CNNM2: variants seen among roughly 807,000 people sequenced by gnomAD.
The protein encoded by CNNM2 is metal transporter CNNM2.
In CNNM2, 12 loss-of-function variants were observed where a neutral mutation model predicts 66.9. That is an observed-to-expected ratio of 0.18 (90% confidence interval 0.11 to 0.29). CNNM2 has a LOEUF of 0.29. CNNM2 is among the 10% of genes least tolerant of loss of function. CNNM2 has a pLI of 1.00. For missense variants in CNNM2, 705 were observed against 1,167.7 expected, an observed-to-expected ratio of 0.60 and a Z score of 5.77; for synonymous variants, 557 against 501.8, an observed-to-expected ratio of 1.11 and a Z score of -1.47.
chr10:102,947,132 C>T (rs1196573318), intron 1 of CNNM2, among the ~76,000 whole-genome samples: 1 of 152,078 alleles, frequency 6.6e-6, no homozygotes, highest in East Asian at 1.9e-4. Flanking sequence ...ATAAATTCTC[C>T]AGTCATATGT....
intron 1 of CNNM2, among the ~76,000 whole-genome samples, chr10:103,009,259 G>A (rs1180354587): frequency 6.6e-6 from 1 of 151,844 alleles, no homozygotes; most frequent in Non-Finnish European, 1.5e-5. Context: ...TGGGCAACAA[G>A]ATTGAAACTC....
At chr10:103,053,533 C>T (rs1294959333) in intron 2 of CNNM2, among the ~76,000 whole-genome samples, 1 of 152,108 alleles carries the variant, frequency 6.6e-6, no homozygotes, top group Non-Finnish European at 1.5e-5. Context: ...GAAAAGAAAC[C>T]AAAAGAAGAA....
At chr10:102,990,971 T>C (rs2063888032) in intron 1 of CNNM2, among the ~76,000 whole-genome samples, 1 of 152,126 alleles carries the variant, frequency 6.6e-6, no homozygotes, top group Non-Finnish European at 1.5e-5. Context: ...ATTCTTACAT[T>C]TTCCATTGTG....
At chr10:103,009,269 C>G (rs1348836355) in intron 1 of CNNM2, among the ~76,000 whole-genome samples, 2 of 151,680 alleles carry the variant, frequency 1.3e-5, no homozygotes, top group Non-Finnish European at 2.9e-5. Flanking sequence ...GATTGAAACT[C>G]CGTCTCAAAA....
chr10:102,919,071 G>A lies in CNNM2; in HGVS notation c.591G>A (p.Thr197=), dbSNP rs574442996. Residue 197 remains threonine, a synonymous_variant, in exon 1 of 8, where the codon ACG becomes ACA. Transcript: ENST00000369878. The part of the protein sequence containing the change: ...KSYYLCTSLS[T]PALGAGGSGS... ...ATTACCTGTGCACGTCGCTCTCCAC[G>A]CCCGCCCTGGGCGCCGGCGGCTCGG... 11 of 1,612,102 alleles carry A rather than the reference G, an allele frequency of 6.8e-6. No individual in the cohort carries two copies. Among genetic ancestry groups the A allele is most frequent in the Middle Eastern group, 1.7e-4 (1 of 6,060 alleles).
chr10:103,003,356 C>A (rs1276043928), intron 1 of CNNM2, among the ~76,000 whole-genome samples: 1 of 152,002 alleles, frequency 6.6e-6, no homozygotes, highest in Non-Finnish European at 1.5e-5. Context: ...TCAGGTAATC[C>A]GCCTGCCTCA....
chr10:103,053,298 T>G (rs2065245566), intron 2 of CNNM2, among the ~76,000 whole-genome samples: 1 of 152,118 alleles, frequency 6.6e-6, no homozygotes, highest in African/African-American at 2.4e-5. Flanking sequence ...GAGGATTGCT[T>G]GAGCCCAGGA....
At chr10:102,940,003 A>AACAAAAAAAAC (rs1554889978) in intron 1 of CNNM2, among the ~76,000 whole-genome samples, 1 of 150,658 alleles carries the variant, frequency 6.6e-6, no homozygotes, top group African/African-American at 2.4e-5. Flanking sequence ...ACAACAACAA[A>AACAAAAAAAAC]AAAAAAACCG....
At chr10:103,012,768 G>A (rs924264968) in intron 1 of CNNM2, among the ~76,000 whole-genome samples, 2 of 149,322 alleles carry the variant, frequency 1.3e-5, no homozygotes, top group Non-Finnish European at 3.0e-5. Context: ...ACAACAGTCT[G>A]TACCACACTG....
At chr10:103,009,956 A>G (rs1470529895) in intron 1 of CNNM2, among the ~76,000 whole-genome samples, 3 of 150,688 alleles carry the variant, frequency 2.0e-5, no homozygotes, top group Non-Finnish European at 3.0e-5. Flanking sequence ...TTTTTTTCAC[A>G]ATTAGAGACA....
chr10:102,931,603 C>T (rs1009042567), intron 1 of CNNM2, among the ~76,000 whole-genome samples: 10 of 152,024 alleles, frequency 6.6e-5, no homozygotes, highest in South Asian at 4.1e-4. Context: ...GTGATCCATC[C>T]GCCTTGGCCT....
At chr10:103,069,822 G>A (rs4551682) in intron 5 of CNNM2, among the ~76,000 whole-genome samples, 1 of 152,222 alleles carries the variant, frequency 6.6e-6, no homozygotes, top group South Asian at 2.1e-4. Context: ...AACACCAAAT[G>A]ATGTGCGGTT....
chr10:103,065,974 A>T (rs1050833667), intron 4 of CNNM2, among the ~76,000 whole-genome samples: 2 of 151,986 alleles, frequency 1.3e-5, no homozygotes, highest in Admixed American at 1.3e-4. Flanking sequence ...ACAGATGGGG[A>T]TGTCCTGCTG....
chr10:103,025,337 C>T (rs977156768), intron 1 of CNNM2, among the ~76,000 whole-genome samples: 15 of 152,224 alleles, frequency 9.9e-5, no homozygotes, highest in African/African-American at 3.6e-4. Context: ...GATCCACCCA[C>T]CTCGGCCTCC....
intron 1 of CNNM2, among the ~76,000 whole-genome samples, chr10:103,016,659 G>A (rs2134279370): frequency 6.6e-6 from 1 of 152,298 alleles, no homozygotes; most frequent in South Asian, 2.1e-4. Flanking sequence ...GATGTAACTG[G>A]ATGTGTATTA....
At chr10:102,940,734 T>C (rs372162999) in intron 1 of CNNM2, among the ~76,000 whole-genome samples, 1 of 151,212 alleles carries the variant, frequency 6.6e-6, no homozygotes, top group Non-Finnish European at 1.5e-5. Context: ...TTATTATTAT[T>C]TTTTTGAGAT....
rs770748859 is a variant in CNNM2, at chr10:102,919,608, C to T, written c.1128C>T (p.Ile376=). 1.1e-5 allele frequency: 17 copies of T among 1,613,784 alleles called. No homozygotes were observed. Among genetic ancestry groups the T allele is most frequent in the Admixed American group, 1.7e-5 (1 of 60,016 alleles). ...GCCTGGCTGTGGGGGCCAACACCAT[C>T]TTCCTCACCAAGTTTTTCATGATGA... ...RHGLAVGANT[I]FLTKFFMMMT... is the part of the protein sequence containing the mutation. The change falls in exon 1 of 8, where the codon ATC becomes ATT. Residue 376 remains isoleucine (I), a synonymous_variant. Coordinates refer to ENST00000369878, the MANE Select transcript of CNNM2 (RefSeq NM_017649.5).
At position 103,079,466 on chromosome 10, in the gene CNNM2, G is replaced by C. The variant is rs2065735722; in HGVS notation, c.*2286G>C. ...GCTACTGGGAGAGCCTCTGGAATCAGAGCTAGTGTGTTGGTGCCCTTTTCA... is the reference window on the plus strand; with the variant it reads ...GCTACTGGGAGAGCCTCTGGAATCACAGCTAGTGTGTTGGTGCCCTTTTCA... On this transcript the variant is annotated 3_prime_UTR_variant, in exon 8 of 8. Coordinates refer to ENST00000369878, the MANE Select transcript of CNNM2 (RefSeq NM_017649.5). 1 of 152,272 alleles carries C rather than the reference G, an allele frequency of 6.6e-6. No individual in the cohort carries two copies. The highest frequency in any genetic ancestry group is 1.5e-5 in the Non-Finnish European group (1 of 68,096). The allele number at this position is 152,272 out of a possible 1,614,324, so 9.4% of individuals were successfully genotyped here.
Position 103,089,924 on chromosome 10 carries a change from C to T in CNNM2, c.*12744C>T, listed in dbSNP as rs897965535. The T allele has an allele frequency of 6.4e-7, 1 of 1,567,318 alleles. No homozygotes were observed. Among genetic ancestry groups the T allele is most frequent in the African/African-American group, 1.4e-5 (1 of 73,130 alleles). ...CATGAGGCATCTAGACAGAAAAAAG[C>T]TAGAGGCTCAGAAAGCAGGCAGAGC... On this transcript the variant is annotated 3_prime_UTR_variant, in exon 8 of 8. Transcript: ENST00000369878.
Sources: allele counts gnomAD v4.1 joint callset (sites outside exome capture counted in the v4.1 genomes callset), GRCh38; gene constraint gnomAD v4.1.1; transcripts MANE v1.5; gene names NCBI Gene and HGNC (gene_info 2026-07-23, HGNC 2026-07-21).